PDE11A: variants seen among roughly 807,000 people sequenced by gnomAD.
PDE11A encodes the protein phosphodiesterase 11A.
Under a neutral mutation model 100.5 loss-of-function variants are expected in PDE11A, and 100 were observed. The observed-to-expected ratio is 1.00, with a 90% CI of 0.85 to 1.18. The LOEUF is 1.18. PDE11A is among the 50% of genes most tolerant of loss of function. The pLI is 0.00. For missense variants in PDE11A, 1,141 were observed against 1,152.6 expected, an observed-to-expected ratio of 0.99 and a Z score of 0.15; for synonymous variants, 381 against 420.8, an observed-to-expected ratio of 0.91 and a Z score of 1.16.
intron 2 of PDE11A, among the ~76,000 whole-genome samples, chr2:177,947,799 A>AAT (rs10684663): frequency 0.92 from 137,127 of 149,658 alleles, 62,455 homozygotes; most frequent in East Asian, 0.99. Flanking sequence ...AAAATAAAAA[A>AAT]AAAATAAAAT....
chr2:177,809,434 G>A (rs574055058), intron 9 of PDE11A, among the ~76,000 whole-genome samples: 1 of 152,302 alleles, frequency 6.6e-6, no homozygotes, highest in Non-Finnish European at 1.5e-5. Context: ...TTAGTCAGGA[G>A]AGGCAAACCC....
At position 177,795,544 on chromosome 2, in the gene PDE11A, G is replaced by A. The variant is rs148556184; in HGVS notation, c.1737+21285C>T. Among the ~76,000 whole-genome samples the A allele has an allele frequency of 6.5e-3, 993 of 152,186 alleles. 8 individuals carry two copies. The highest frequency in any genetic ancestry group is 0.011 in the Non-Finnish European group (719 of 67,986). On this transcript the variant is annotated intron_variant, in intron 9 of 19. Transcript: ENST00000286063. ...TGGAGAAGGGGGTGGGGGCTTTTAT[G>A]CTCTTTGTTTTTAGGTGCTAGTCAA...
At chr2:177,996,468 CAT>C (rs36051210) in intron 2 of PDE11A, among the ~76,000 whole-genome samples, 57,128 of 145,498 alleles carry the variant, frequency 0.39, 11,313 homozygotes, top group Middle Eastern at 0.46. Context: ...TACATATATA[CAT>C]ATATATATAT....
intron 19 of PDE11A, among the ~76,000 whole-genome samples, chr2:177,649,264 C>T (rs1273781578): frequency 6.6e-6 from 1 of 151,936 alleles, no homozygotes; most frequent in Non-Finnish European, 1.5e-5. Flanking sequence ...TATCTTATTT[C>T]TTGGTATTTC....
At chr2:178,057,921 G>A (rs1043515322) in intron 1 of PDE11A, among the ~76,000 whole-genome samples, 3 of 152,092 alleles carry the variant, frequency 2.0e-5, no homozygotes, top group Non-Finnish European at 4.4e-5. Context: ...GCAGAGGCGT[G>A]ATCTCGGCTC....
At chr2:177,858,068 C>T (rs545933144) in intron 5 of PDE11A, among the ~76,000 whole-genome samples, 2 of 152,068 alleles carry the variant, frequency 1.3e-5, no homozygotes, top group South Asian at 4.2e-4. Context: ...AAACTGGATC[C>T]CTTCCTTACA....
chr2:177,898,218 T>C lies in PDE11A; in HGVS notation c.1162-20A>G. On this transcript the variant is annotated intron_variant, in intron 3 of 19. Coordinates refer to ENST00000286063, the MANE Select transcript of PDE11A (RefSeq NM_016953.4). ...CAAAGCCTAGAAAAGATGAAATAGA[T>C]GTATATAAGTGGATGTAAAACTGAA... 2 of 1,567,776 alleles carry C rather than the reference T, an allele frequency of 1.3e-6. No individual in the cohort carries two copies. The highest frequency in any genetic ancestry group is 8.8e-7 in the Non-Finnish European group (1 of 1,139,014).
chr2:177,754,574 G>A lies in PDE11A; in HGVS notation c.1788+14749C>T, dbSNP rs542044829. Among the ~76,000 whole-genome samples, 15 of 152,198 alleles carry A rather than the reference G, an allele frequency of 9.9e-5. No individual in the cohort carries two copies. In the South Asian group the frequency reaches 1.0e-3, roughly 11 times the overall value. On this transcript the variant is annotated intron_variant, in intron 10 of 19. Coordinates refer to ENST00000286063, the MANE Select transcript of PDE11A (RefSeq NM_016953.4). ...TTTTCTTTGCTTCCTTGTCTCCAGC[G>A]TCCCTTCCTTCACCTTCCTCCCCTG...
chr2:177,857,498 G>T (rs116757791), intron 5 of PDE11A, among the ~76,000 whole-genome samples: 1 of 151,990 alleles, frequency 6.6e-6, no homozygotes, highest in Non-Finnish European at 1.5e-5. Flanking sequence ...TAGGCTTATC[G>T]TATGAAAAGA....
chr2:177,637,833 G>C (rs1007521990), intron 19 of PDE11A, among the ~76,000 whole-genome samples: 3 of 149,878 alleles, frequency 2.0e-5, no homozygotes, highest in Admixed American at 6.7e-5. Context: ...TTTCTGTTGC[G>C]TCACTGAGTT....
intron 3 of PDE11A, among the ~76,000 whole-genome samples, chr2:177,904,618 G>T (rs923836168): frequency 6.7e-6 from 1 of 149,338 alleles, no homozygotes; most frequent in African/African-American, 2.5e-5. Flanking sequence ...GCAGTGGTGC[G>T]ATCTCCACTC....
chr2:177,901,800 G>A (rs917181633), intron 3 of PDE11A, among the ~76,000 whole-genome samples: 1 of 152,092 alleles, frequency 6.6e-6, no homozygotes, highest in Admixed American at 6.6e-5. Flanking sequence ...TTCTTCAGAT[G>A]GATCATATTA....
intron 19 of PDE11A, among the ~76,000 whole-genome samples, chr2:177,660,102 TCTCTC>T (rs2080460516): frequency 1.1e-5 from 1 of 94,760 alleles, no homozygotes; most frequent in African/African-American, 3.6e-5. Flanking sequence ...TTTCTTTCTC[TCTCTC>T]TCTCTTTCTT....
At chr2:177,922,598 C>T (rs959974773) in intron 2 of PDE11A, 1 of 740,054 alleles carries the variant, frequency 1.4e-6, no homozygotes, top group Non-Finnish European at 1.7e-6. Context: ...ATGTCCCATA[C>T]CTGACATCAC....
chr2:177,717,446 T>C (rs889759030), intron 12 of PDE11A, among the ~76,000 whole-genome samples: 1 of 152,176 alleles, frequency 6.6e-6, no homozygotes, highest in Admixed American at 6.6e-5. Context: ...TTTTAATGCA[T>C]TTACCCCATT....
chr2:177,776,153 T>C (rs1382758519), intron 9 of PDE11A, among the ~76,000 whole-genome samples: 1 of 152,170 alleles, frequency 6.6e-6, no homozygotes, highest in African/African-American at 2.4e-5. Flanking sequence ...AAGTAAGCAA[T>C]GTAGGTAGGA....
rs375501988 is a variant in PDE11A, at chr2:177,945,073, T to C, written c.1072-39886A>G. Among the ~76,000 whole-genome samples the C allele has an allele frequency of 1.9e-3, 281 of 150,206 alleles. 6 individuals carry two copies. In the East Asian group the frequency reaches 0.034, roughly 18 times the overall value. On this transcript the variant is annotated intron_variant, in intron 2 of 19. Coordinates refer to ENST00000286063, the MANE Select transcript of PDE11A (RefSeq NM_016953.4). ...CTAACCGCGAGTGATCCGCCAGCCTTGGCCTCCCGAGGTGCCGGGATTGCA... is the reference window on the plus strand; with the variant it reads ...CTAACCGCGAGTGATCCGCCAGCCTCGGCCTCCCGAGGTGCCGGGATTGCA...
chr2:178,001,784 T>C (rs1327372585), intron 2 of PDE11A, among the ~76,000 whole-genome samples: 3 of 152,212 alleles, frequency 2.0e-5, no homozygotes, highest in African/African-American at 4.8e-5. Flanking sequence ...TAAAGAGAGC[T>C]TGGGCTTCAT....
chr2:178,107,277 T>C (rs1299337366), intron 1 of PDE11A, among the ~76,000 whole-genome samples: 1 of 151,874 alleles, frequency 6.6e-6, no homozygotes, highest in African/African-American at 2.4e-5. Flanking sequence ...AAGAGCAGGA[T>C]AGCAAGGGAT....
Sources: allele counts gnomAD v4.1 joint callset (sites outside exome capture counted in the v4.1 genomes callset), GRCh38; gene constraint gnomAD v4.1.1; transcripts MANE v1.5; gene names NCBI Gene and HGNC (gene_info 2026-07-23, HGNC 2026-07-21).